Variants in RNF152 observed in about 807,000 individuals in gnomAD.
RNF152 encodes the protein ring finger protein 152, also known as E3 ubiquitin-protein ligase RNF152.
In RNF152, 11 loss-of-function variants were observed where a neutral mutation model predicts 12.7. The observed-to-expected ratio is 0.86, with a 90% confidence interval of 0.54 to 1.43. The LOEUF is 1.43. RNF152 is among the 40% of genes most tolerant of loss of function. RNF152 has a pLI of 0.00. For synonymous variants in RNF152, 113 were observed against 120.3 expected, an observed-to-expected ratio of 0.94 and a Z score of 0.40; for missense variants, 255 against 274.8, an observed-to-expected ratio of 0.93 and a Z score of 0.51.
chr18:61,859,390 G>A (rs9807754), intron 1 of RNF152, among the ~76,000 whole-genome samples: 13,923 of 152,176 alleles, frequency 0.091, 606 homozygotes, highest in Middle Eastern at 0.17. Flanking sequence ...CTGTTCCCAG[G>A]GCTCCCAACA....
At chr18:61,836,440 T>C (rs1320186240) in intron 1 of RNF152, among the ~76,000 whole-genome samples, 1 of 152,054 alleles carries the variant, frequency 6.6e-6, no homozygotes, top group Non-Finnish European at 1.5e-5. Flanking sequence ...GATGAGGTCA[T>C]GAGGGTAAGG....
chr18:61,888,543 G>A (rs1912801907), intron 1 of RNF152: 1 of 152,218 alleles, frequency 6.6e-6, no homozygotes, highest in Non-Finnish European at 1.5e-5. Flanking sequence ...TAGGCTTCTT[G>A]TTACATGATT....
At chr18:61,877,276 C>T (rs1912255864) in intron 1 of RNF152, among the ~76,000 whole-genome samples, 5 of 152,156 alleles carry the variant, frequency 3.3e-5, no homozygotes, top group Admixed American at 3.3e-4. Context: ...TAGAATGGTG[C>T]ACTGAATTTA....
intron 1 of RNF152, among the ~76,000 whole-genome samples, chr18:61,856,673 G>C (rs1412481037): frequency 6.6e-6 from 1 of 152,138 alleles, no homozygotes; most frequent in Non-Finnish European, 1.5e-5. Context: ...GAGGGGTTGG[G>C]GGAGGGGTGG....
At chr18:61,869,422 C>T (rs760563089) in intron 1 of RNF152, among the ~76,000 whole-genome samples, 3 of 152,162 alleles carry the variant, frequency 2.0e-5, no homozygotes, top group Admixed American at 6.5e-5. Flanking sequence ...CTGCACCTGA[C>T]AAGAGATTCT....
At chr18:61,823,578 C>T (rs761868384) in intron 1 of RNF152, among the ~76,000 whole-genome samples, 6 of 152,224 alleles carry the variant, frequency 3.9e-5, no homozygotes, top group Non-Finnish European at 8.8e-5. Flanking sequence ...GGATCACAGG[C>T]GTGAGCCACC....
In RNF152 at chr18:61,813,058, C is replaced by T. The variant is rs1908886001; in HGVS notation, c.*2794G>A. The T allele has an allele frequency of 6.6e-6, 1 of 152,144 alleles. No homozygotes were observed. Among genetic ancestry groups the T allele is most frequent in the Non-Finnish European group, 1.5e-5 (1 of 68,044 alleles). 9.4% of individuals were successfully genotyped at this position (152,144 alleles called of 1,614,324 possible). ...AAGCCACCGGAGGCTGCTTTCAGCT[C>T]TTTCTGTGCTTTCCAGTTGTGACTT... On this transcript the variant is annotated 3_prime_UTR_variant, in exon 2 of 2. Transcript: ENST00000312828.
At chr18:61,850,437 T>C (rs939454490) in intron 1 of RNF152, among the ~76,000 whole-genome samples, 3 of 152,224 alleles carry the variant, frequency 2.0e-5, no homozygotes, top group Non-Finnish European at 2.9e-5. Flanking sequence ...CTTGCTAGAA[T>C]TATTCTATAC....
At chr18:61,846,359 C>G (rs1010165493) in intron 1 of RNF152, among the ~76,000 whole-genome samples, 1 of 151,958 alleles carries the variant, frequency 6.6e-6, no homozygotes, top group Non-Finnish European at 1.5e-5. Context: ...AATAATAGGC[C>G]CCCTTCTCAT....
chr18:61,844,587 T>A (rs1910664937), intron 1 of RNF152, among the ~76,000 whole-genome samples: 2 of 152,206 alleles, frequency 1.3e-5, no homozygotes, highest in South Asian at 4.1e-4. Context: ...ATATTTACAG[T>A]AGCATTTTTT....
rs1296486768 is a variant in RNF152 at position 61,808,431 on chromosome 18, C to T, written c.*7421G>A. ...AAAAAAAGCTCCTAAAATAAATAATCCACATAATTGTAAATGAAACACATC... is the reference window on the plus strand; with the variant it reads ...AAAAAAAGCTCCTAAAATAAATAATTCACATAATTGTAAATGAAACACATC... On this transcript the variant is annotated 3_prime_UTR_variant, in exon 2 of 2. Transcript: ENST00000312828. 1 of 115,062 alleles carries T rather than the reference C, an allele frequency of 8.7e-6. No individual in the cohort carries two copies. Among genetic ancestry groups the T allele is most frequent in the South Asian group, 2.8e-4 (1 of 3,522 alleles). The allele number at this position is 115,062 out of a possible 1,614,324, so 7.1% of individuals were successfully genotyped here.
At chr18:61,876,468 G>T (rs1912218398) in intron 1 of RNF152, among the ~76,000 whole-genome samples, 1 of 152,150 alleles carries the variant, frequency 6.6e-6, no homozygotes, top group African/African-American at 2.4e-5. Context: ...AAAAAAATAA[G>T]CAATAATATC....
At chr18:61,838,630 C>T (rs574082207) in intron 1 of RNF152, among the ~76,000 whole-genome samples, 5 of 152,284 alleles carry the variant, frequency 3.3e-5, no homozygotes, top group East Asian at 1.9e-4. Context: ...TAGCCACAGA[C>T]GGTCCCCAGA....
chr18:61,809,613 C>T lies in RNF152; in HGVS notation c.*6239G>A, dbSNP rs1213904429. Reference sequence around the variant, plus strand: ...ATAAATTTGGAGCAGTGTTCTAGAACAAAGACAGCTACAGGGAAGCACTCC... The same window carrying T: ...ATAAATTTGGAGCAGTGTTCTAGAATAAAGACAGCTACAGGGAAGCACTCC... On this transcript the variant is annotated 3_prime_UTR_variant, in exon 2 of 2. Coordinates refer to ENST00000312828, the MANE Select transcript of RNF152 (RefSeq NM_173557.3). The T allele has an allele frequency of 6.6e-6, 1 of 152,110 alleles. No homozygotes were observed. The highest frequency in any genetic ancestry group is 1.9e-4 in the East Asian group (1 of 5,188). The allele number at this position is 152,110 out of a possible 1,614,324, so 9.4% of individuals were successfully genotyped here. A position where few individuals can be genotyped will look rare whatever the true frequency, so the allele number is the denominator to read the frequency against.
chr18:61,838,899 C>T (rs1405413861), intron 1 of RNF152, among the ~76,000 whole-genome samples: 1 of 152,120 alleles, frequency 6.6e-6, no homozygotes, highest in African/African-American at 2.4e-5. Context: ...CCCTCTCATC[C>T]TCCTTGTCCC....
chr18:61,875,749 A>G (rs990110259), intron 1 of RNF152, among the ~76,000 whole-genome samples: 1 of 152,128 alleles, frequency 6.6e-6, no homozygotes, highest in African/African-American at 2.4e-5. Context: ...CCAAACTGCT[A>G]CTAGCTCTGT....
intron 1 of RNF152, among the ~76,000 whole-genome samples, chr18:61,874,280 T>G (rs867474258): frequency 6.6e-6 from 1 of 152,232 alleles, no homozygotes; most frequent in Non-Finnish European, 1.5e-5. Context: ...TCAAGGTAGT[T>G]AATGTCTTTT....
At chr18:61,860,118 C>A (rs575509010) in intron 1 of RNF152, among the ~76,000 whole-genome samples, 5 of 152,208 alleles carry the variant, frequency 3.3e-5, no homozygotes, top group South Asian at 2.1e-4. Context: ...CCAAGGACTG[C>A]CGACAGCACG....
chr18:61,862,377 G>A (rs1401110764), intron 1 of RNF152, among the ~76,000 whole-genome samples: 2 of 152,172 alleles, frequency 1.3e-5, no homozygotes, highest in African/African-American at 4.8e-5. Flanking sequence ...GAGAGGAGAT[G>A]ACCATCCTGA....
Sources: gnomAD v4.1 joint callset for allele counts (sites outside exome capture counted in the v4.1 genomes callset) on GRCh38, gnomAD v4.1.1 for gene constraint, MANE v1.5 for transcripts, NCBI Gene and HGNC (gene_info 2026-07-23, HGNC 2026-07-21) for gene names.